Variants in GRM8 observed in about 807,000 individuals in gnomAD.
The protein encoded by GRM8 is metabotropic glutamate receptor 8.
Under a neutral mutation model 87.2 loss-of-function variants are expected in GRM8, and 47 were observed. The observed-to-expected ratio is 0.54, with a 90% CI of 0.43 to 0.69. The LOEUF (loss-of-function observed/expected upper bound fraction) is 0.69. Ranked by LOEUF, GRM8 falls within the 30% of genes least tolerant of loss-of-function variation. The probability of loss-of-function intolerance (pLI) is 0.00; values close to 1 mark genes in which losing one functional copy is unlikely to be tolerated. For missense variants in GRM8, 1,019 were observed against 1,139.2 expected, an observed-to-expected ratio of 0.89 and a Z score of 1.52; for synonymous variants, 396 against 404.5, an observed-to-expected ratio of 0.98 and a Z score of 0.25.
chr7:127,210,405 A>G (rs1386000712), intron 2 of GRM8, among the ~76,000 whole-genome samples: 1 of 152,212 alleles, frequency 6.6e-6, no homozygotes, highest in Non-Finnish European at 1.5e-5. Flanking sequence ...GGCTCAGTAC[A>G]AAGAAGAATG....
chr7:126,588,545 A>G (rs1040869827), intron 8 of GRM8, among the ~76,000 whole-genome samples: 1 of 152,198 alleles, frequency 6.6e-6, no homozygotes, highest in Admixed American at 6.5e-5. Context: ...AAGACGTGAC[A>G]TCAACCCAGA....
At chr7:127,053,322 T>C (rs781044926) in intron 3 of GRM8, among the ~76,000 whole-genome samples, 2 of 152,220 alleles carry the variant, frequency 1.3e-5, no homozygotes, top group Non-Finnish European at 2.9e-5. Flanking sequence ...TTCTATGGAA[T>C]GACCTAACAA....
chr7:127,106,044 A>G lies in GRM8; in HGVS notation c.727+452T>C, dbSNP rs188999916. ...ATGACAATAAGAATATTGCTTAAGT[A>G]TAGCCTTGAGGGCTACTTCAGCATT... On this transcript the variant is annotated intron_variant, in intron 3 of 10. Transcript: ENST00000339582. Among the ~76,000 whole-genome samples, 3 of 152,366 alleles carry G rather than the reference A, an allele frequency of 2.0e-5. No individual in the cohort carries two copies. The East Asian group carries it at 5.8e-4, about 29-fold the overall frequency.
intron 7 of GRM8, among the ~76,000 whole-genome samples, chr7:126,744,484 C>T (rs556498967): frequency 1.4e-4 from 21 of 151,882 alleles, no homozygotes; most frequent in Non-Finnish European, 2.1e-4. Context: ...TATCAACTAG[C>T]GTAATGTTTT....
chr7:126,562,296 G>A (rs921977406), intron 8 of GRM8, among the ~76,000 whole-genome samples: 1 of 152,050 alleles, frequency 6.6e-6, no homozygotes, highest in Non-Finnish European at 1.5e-5. Flanking sequence ...TGCATCAAAG[G>A]CATCACCAAA....
At chr7:126,656,303 C>T (rs575067852) in intron 7 of GRM8, among the ~76,000 whole-genome samples, 128 of 152,244 alleles carry the variant, frequency 8.4e-4, no homozygotes, top group African/African-American at 2.7e-3. Context: ...CCAGCCTTGA[C>T]GGCCTGGGGC....
chr7:126,832,395 T>C (rs914544954), intron 6 of GRM8, among the ~76,000 whole-genome samples: 7 of 152,200 alleles, frequency 4.6e-5, no homozygotes, highest in African/African-American at 1.7e-4. Context: ...TTTGAATTCA[T>C]TTAAGCCACA....
intron 7 of GRM8, among the ~76,000 whole-genome samples, chr7:126,760,241 A>G (rs1459248965): frequency 6.6e-6 from 1 of 152,188 alleles, no homozygotes. Flanking sequence ...ATAAAGAATG[A>G]GTAAAAGAAG....
chr7:126,644,901 A>C (rs1043717412), intron 7 of GRM8, among the ~76,000 whole-genome samples: 7 of 152,184 alleles, frequency 4.6e-5, no homozygotes, highest in African/African-American at 1.7e-4. Flanking sequence ...TCTACAGTCC[A>C]TTCTCTACAC....
chr7:126,760,158 C>G (rs920386421), intron 7 of GRM8, among the ~76,000 whole-genome samples: 2 of 152,128 alleles, frequency 1.3e-5, no homozygotes, highest in Non-Finnish European at 2.9e-5. Context: ...CCATGGTACT[C>G]CACCTCTCTC....
rs575707245 is a variant in GRM8, at chr7:127,179,992, A to T, written c.510+62703T>A. Among the ~76,000 whole-genome samples the T allele has an allele frequency of 2.0e-5, 3 of 152,208 alleles. No individual in the cohort carries two copies. In the East Asian group the frequency reaches 5.8e-4, roughly 29 times the overall value. On this transcript the variant is annotated intron_variant, in intron 2 of 10. Transcript: ENST00000339582. ...CAAACCCAGCAGAAGAAAGGAAGTTATCATGAAAGATCAGAGCAGAACTAA... is the reference window on the plus strand; with the variant it reads ...CAAACCCAGCAGAAGAAAGGAAGTTTTCATGAAAGATCAGAGCAGAACTAA...
At chr7:127,203,024 G>C (rs1445560097) in intron 2 of GRM8, among the ~76,000 whole-genome samples, 1 of 152,118 alleles carries the variant, frequency 6.6e-6, no homozygotes. Context: ...TTGTCTTTGA[G>C]GCCAAATGCT....
intron 2 of GRM8, among the ~76,000 whole-genome samples, chr7:127,129,640 C>A (rs1434507215): frequency 6.6e-6 from 1 of 152,030 alleles, no homozygotes; most frequent in Non-Finnish European, 1.5e-5. Context: ...ATTCCCAGAC[C>A]ATGGAAAGCT....
intron 6 of GRM8, among the ~76,000 whole-genome samples, chr7:126,825,347 T>A (rs527465101): frequency 1.2e-3 from 177 of 152,322 alleles, no homozygotes; most frequent in African/African-American, 4.0e-3. Flanking sequence ...ATTACAGGCA[T>A]GAGCCACTAT....
rs141457250 is a variant in GRM8, at chr7:126,976,050, G to T, written c.728-71367C>A. 3.8e-4 allele frequency among the ~76,000 whole-genome samples: 58 copies of T among 152,292 alleles called. 1 individual carries two copies. The highest frequency in any genetic ancestry group is 1.3e-3 in the African/African-American group (52 of 41,564). On this transcript the variant is annotated intron_variant, in intron 3 of 10. Coordinates refer to ENST00000339582, the MANE Select transcript of GRM8 (RefSeq NM_000845.3). ...TTCAAGGTCCAAATAGTTACAAATTGTAGTGATAATGAAGTTGAAAAACAC... is the reference window on the plus strand; with the variant it reads ...TTCAAGGTCCAAATAGTTACAAATTTTAGTGATAATGAAGTTGAAAAACAC...
chr7:127,126,122 C>T (rs554670867), intron 2 of GRM8, among the ~76,000 whole-genome samples: 9 of 152,008 alleles, frequency 5.9e-5, no homozygotes, highest in South Asian at 2.1e-4. Context: ...ATCCCACTAC[C>T]GGGTATCTAC....
At chr7:127,139,338 C>T (rs1481805962) in intron 2 of GRM8, among the ~76,000 whole-genome samples, 1 of 152,054 alleles carries the variant, frequency 6.6e-6, no homozygotes, top group East Asian at 1.9e-4. Flanking sequence ...GTAACCTGAG[C>T]ACATCCAACC....
At chr7:126,987,370 T>C (rs537321074) in intron 3 of GRM8, among the ~76,000 whole-genome samples, 2 of 152,262 alleles carry the variant, frequency 1.3e-5, no homozygotes, top group African/African-American at 4.8e-5. Context: ...TGTTTTCTCC[T>C]ATAGCAACAC....
intron 6 of GRM8, among the ~76,000 whole-genome samples, chr7:126,838,152 G>T (rs572206600): frequency 6.6e-6 from 1 of 152,270 alleles, no homozygotes; most frequent in South Asian, 2.1e-4. Context: ...TGAACTGCTA[G>T]AGTATTTTTA....
Sources: allele counts gnomAD v4.1 joint callset (sites outside exome capture counted in the v4.1 genomes callset), GRCh38; gene constraint gnomAD v4.1.1; transcripts MANE v1.5; gene names NCBI Gene and HGNC (gene_info 2026-07-23, HGNC 2026-07-21).